The following USO1 variants were observed in gnomAD, a reference collection of about 807,000 sequenced individuals.
The protein encoded by USO1 is general vesicular transport factor p115.
USO1 carries 57 observed loss-of-function variants against 124.5 expected under a neutral mutation model. The observed-to-expected ratio is 0.46, with a 90% CI of 0.37 to 0.57. The LOEUF is 0.57. USO1 is among the 20% of genes least tolerant of loss of function. The pLI is 0.00. For synonymous variants in USO1, 369 were observed against 362.8 expected (o/e 1.02, Z -0.19); for missense variants, 900 against 1,040.6 (o/e 0.86, Z 1.86).
In USO1 at chr4:75,790,671, A is replaced by G. The variant is rs1428584961; in HGVS notation, c.1114A>G (p.Met372Val). ...GGCAATTGTAGTACTTCTCATGTCC[A>G]TGGTTAATGAAAGGCAGCCATTTGT... ...RPAIVVLLMS[M>V]VNERQPFVLR... The change falls in exon 12 of 24, where the codon ATG (methionine) becomes GTG (valine). Residue 372 changes from methionine to valine, a missense_variant. Transcript: ENST00000514213. 6 of 1,611,794 alleles carry G rather than the reference A, an allele frequency of 3.7e-6. No homozygotes were observed. The highest frequency in any genetic ancestry group is 3.4e-6 in the Non-Finnish European group (4 of 1,179,344).
In USO1 at chr4:75,813,702, T is replaced by G. The variant is rs1206636951; in HGVS notation, c.*407T>G. The G allele has an allele frequency of 6.5e-6, 1 of 153,114 alleles. No individual in the cohort carries two copies. The highest frequency in any genetic ancestry group is 2.4e-5 in the African/African-American group (1 of 41,474). 9.5% of individuals were successfully genotyped at this position (153,114 alleles called of 1,614,324 possible). On this transcript the variant is annotated 3_prime_UTR_variant, in exon 24 of 24. Transcript: ENST00000514213. Reference sequence around the variant, plus strand: ...ATTATTTCTAAATTCAGCATTTGAGTCCTTAGTTGATGATTTTCTTTTAAA... The same window carrying G: ...ATTATTTCTAAATTCAGCATTTGAGGCCTTAGTTGATGATTTTCTTTTAAA...
In USO1 at chr4:75,770,475, G is replaced by A. The variant is rs1156381124; in HGVS notation, c.332G>A (p.Ser111Asn). 1 of 1,592,724 alleles carries A rather than the reference G, an allele frequency of 6.3e-7. No individual in the cohort carries two copies. Among genetic ancestry groups the A allele is most frequent in the Non-Finnish European group, 8.6e-7 (1 of 1,168,612 alleles). The part of the protein sequence containing the change: ...NSTRQSEDLG[S>N]QFTEIFIKQQ... ...ACAAGACAGAGTGAAGATTTGGGAA[G>A]CCAATTTACAGAAATTTTCATTAAG... Residue 111 changes from serine (S) to asparagine (N), a missense_variant, in exon 5 of 24, where the codon AGC (serine) becomes AAC (asparagine). Physicochemically the swap from Ser to Asn is conservative, Grantham distance 46 (BLOSUM62 1). Coordinates refer to ENST00000514213, the MANE Select transcript of USO1 (RefSeq NM_003715.4).
At chr4:75,810,139 G>C (rs1723104485) in intron 21 of USO1, among the ~76,000 whole-genome samples, 1 of 152,152 alleles carries the variant, frequency 6.6e-6, no homozygotes, top group African/African-American at 2.4e-5. Flanking sequence ...TTTATTAAAT[G>C]CTGGGTTACA....
rs913368485 is a variant in USO1, at chr4:75,785,480, AT to A, written c.856-1581del. Among the ~76,000 whole-genome samples, 10 of 152,068 alleles carry A rather than the reference AT, an allele frequency of 6.6e-5. No homozygotes were observed. In the East Asian group the frequency reaches 1.9e-3, roughly 29 times the overall value. On this transcript the variant is annotated intron_variant, in intron 9 of 23. Transcript: ENST00000514213. ...AGAAAGTTCATAACCTTATAAGATA[AT>A]CATTTTCATTCTAGGGTAGTTTTAA...
intron 1 of USO1, among the ~76,000 whole-genome samples, chr4:75,741,982 A>G (rs1045642975): frequency 2.6e-5 from 4 of 152,064 alleles, no homozygotes; most frequent in Non-Finnish European, 5.9e-5. Context: ...TTCTACCCTC[A>G]TCTCTTGTTC....
At position 75,774,587 on chromosome 4, in the gene USO1, C is replaced by G. The variant is rs1722020111; in HGVS notation, c.556-89C>G. On this transcript the variant is annotated intron_variant, in intron 7 of 23. Transcript: ENST00000514213. Reference sequence around the variant, plus strand: ...AGGAGTTGGGCTTGCAAAATCTCTGCCAGTTCTAAAATTCTGTGATTTTTG... The same window carrying G: ...AGGAGTTGGGCTTGCAAAATCTCTGGCAGTTCTAAAATTCTGTGATTTTTG... 9 of 1,457,296 alleles carry G rather than the reference C, an allele frequency of 6.2e-6. No homozygotes were observed. In the Admixed American group the frequency reaches 1.5e-4, roughly 24 times the overall value. 90.3% of individuals were successfully genotyped at this position (1,457,296 alleles called of 1,614,324 possible). A position where few individuals can be genotyped will look rare whatever the true frequency, so the allele number is the denominator to read the frequency against.
At chr4:75,759,834 G>A (rs534391239) in intron 4 of USO1, among the ~76,000 whole-genome samples, 4 of 151,618 alleles carry the variant, frequency 2.6e-5, no homozygotes, top group African/African-American at 9.7e-5. Context: ...ACTTGAACCT[G>A]GGAGGCAGAG....
In USO1 at chr4:75,813,194, T is replaced by C; in HGVS notation, c.2800-12T>C. 1 of 1,599,530 alleles carries C rather than the reference T, an allele frequency of 6.3e-7. No individual in the cohort carries two copies. Among genetic ancestry groups the C allele is most frequent in the Middle Eastern group, 1.7e-4 (1 of 5,972 alleles). On this transcript the variant is annotated splice_polypyrimidine_tract_variant and intron_variant, in intron 23 of 23. Transcript: ENST00000514213. ...AGATTTTCACAATATTAAATACGTC[T>C]TTTTCCTCTAGGTTGAAGAAGAGGA... is the stretch of plus-strand genomic sequence containing the variant.
chr4:75,751,708 G>A (rs1240584286), intron 1 of USO1, among the ~76,000 whole-genome samples: 10 of 151,420 alleles, frequency 6.6e-5, no homozygotes, highest in Non-Finnish European at 1.3e-4. Flanking sequence ...GCAGGTGCCT[G>A]TAATCCCATC....
rs1317607682 is a variant in USO1, at chr4:75,748,207, A to ATT, written c.67-4164_67-4163dup. ...GCGTGAGCCATCGTGCCCAGCTGGT[A>ATT]TTTCTTTTTTTTTTTTTTTTTTACA... On this transcript the variant is annotated intron_variant, in intron 1 of 23. Coordinates refer to ENST00000514213, the MANE Select transcript of USO1 (RefSeq NM_003715.4). Among the ~76,000 whole-genome samples the ATT allele has an allele frequency of 8.0e-5, 7 of 87,888 alleles. No homozygotes were observed. The East Asian group carries it at 2.1e-3, about 26-fold the overall frequency. The allele number at this position is 87,888 out of a possible 152,430, so 57.7% of individuals were successfully genotyped here. A position where few individuals can be genotyped will look rare whatever the true frequency, so the allele number is the denominator to read the frequency against.
intron 1 of USO1, among the ~76,000 whole-genome samples, chr4:75,743,016 G>T (rs972003394): frequency 6.9e-5 from 10 of 144,864 alleles, no homozygotes; most frequent in African/African-American, 2.3e-4. Context: ...ACAGAGTCTC[G>T]CTCAGTTGCC....
rs1442819082 is a variant in USO1 at position 75,793,784 on chromosome 4, C to G, written c.1335C>G (p.Ala445=). 1 of 1,613,772 alleles carries G rather than the reference C, an allele frequency of 6.2e-7. No individual in the cohort carries two copies. Among genetic ancestry groups the G allele is most frequent in the African/African-American group, 1.3e-5 (1 of 74,906 alleles). The change falls in exon 13 of 24, where the codon GCC becomes GCG. Residue 445 remains alanine (A), a synonymous_variant. Coordinates refer to ENST00000514213, the MANE Select transcript of USO1 (RefSeq NM_003715.4). ...LSNWCAAVAL[A]HALQENATQK... ...ACTGGTGTGCTGCTGTGGCCCTTGCCCATGCGTTGCAAGAAAATGCCACCC... is the reference window on the plus strand; with the variant it reads ...ACTGGTGTGCTGCTGTGGCCCTTGCGCATGCGTTGCAAGAAAATGCCACCC...
At chr4:75,802,324 G>A (rs915027938) in intron 17 of USO1, among the ~76,000 whole-genome samples, 2 of 152,066 alleles carry the variant, frequency 1.3e-5, no homozygotes, top group East Asian at 1.9e-4. Flanking sequence ...TTGCTAAAAT[G>A]TAATAATATC....
chr4:75,768,994 T>C (rs567817254), intron 4 of USO1, among the ~76,000 whole-genome samples: 159 of 152,356 alleles, frequency 1.0e-3, no homozygotes, highest in African/African-American at 3.7e-3. Flanking sequence ...TCTCCCACAG[T>C]GTTTCCAATC....
intron 9 of USO1, among the ~76,000 whole-genome samples, chr4:75,784,240 G>A (rs981556294): frequency 3.3e-5 from 5 of 152,110 alleles, no homozygotes; most frequent in African/African-American, 1.2e-4. Flanking sequence ...GGCTGGTCAG[G>A]AATTCCTGAG....
rs1720334819 is a variant in USO1, at chr4:75,724,690, T to G, written c.-130T>G. The G allele has an allele frequency of 3.4e-6, 3 of 890,834 alleles. No homozygotes were observed. Among genetic ancestry groups the G allele is most frequent in the Non-Finnish European group, 3.4e-6 (2 of 589,788 alleles). 55.2% of individuals were successfully genotyped at this position (890,834 alleles called of 1,614,324 possible). A position where few individuals can be genotyped will look rare whatever the true frequency, so the allele number is the denominator to read the frequency against. On this transcript the variant is annotated 5_prime_UTR_variant, in exon 1 of 24. Transcript: ENST00000514213. ...TTAGAGGGCTGGAGTGGCCGCCGAG[T>G]TGGAGGCGGTGGTGGCAGCAGTAGG...
At chr4:75,767,143 A>G (rs1323087488) in intron 4 of USO1, among the ~76,000 whole-genome samples, 1 of 152,036 alleles carries the variant, frequency 6.6e-6, no homozygotes, top group Non-Finnish European at 1.5e-5. Flanking sequence ...CAACCTCTTA[A>G]TATTAGAATG....
At position 75,800,343 on chromosome 4, in the gene USO1, GATTTCAGCTTACAGGACAA is replaced by G; in HGVS notation, c.1564-4_1578del. ...TTCAATCCTTAGCCTCCTTAACAAA[GATTTCAGCTTACAGGACAA>G]ATTGCAGAAAATCTTGGAGAAGAAG... On this transcript the variant is annotated splice_acceptor_variant and splice_polypyrimidine_tract_variant and coding_sequence_variant and intron_variant, in exon 15 of 24. Transcript: ENST00000514213. LOFTEE classifies it high-confidence loss of function. The G allele has an allele frequency of 6.4e-7, 1 of 1,573,320 alleles. No homozygotes were observed. Among genetic ancestry groups the G allele is most frequent in the East Asian group, 2.3e-5 (1 of 43,532 alleles).
chr4:75,744,948 T>A (rs1277443242), intron 1 of USO1: 1 of 501,816 alleles, frequency 2.0e-6, no homozygotes, highest in Admixed American at 2.1e-5. Flanking sequence ...TTCCAAACAG[T>A]GACTGTTCCA....
Sources: gnomAD v4.1 joint callset for allele counts (sites outside exome capture counted in the v4.1 genomes callset) on GRCh38, gnomAD v4.1.1 for gene constraint, MANE v1.5 for transcripts, NCBI Gene and HGNC (gene_info 2026-07-23, HGNC 2026-07-21) for gene names.